Variants in NES observed in about 807,000 individuals in gnomAD.
The protein encoded by NES is nestin.
A neutral mutation model predicts 35.6 loss-of-function variants in NES; 27 were observed. That is an observed-to-expected ratio of 0.76 (90% CI 0.56 to 1.04). The LOEUF is 1.04. Among genes scored for constraint, NES ranks in the 50% least tolerant of loss-of-function variants. NES has a pLI of 0.00. For synonymous variants in NES, 822 were observed against 824.2 expected, an observed-to-expected ratio of 1.00 and a Z score of 0.04; for missense variants, 1,867 against 1,983.6, an observed-to-expected ratio of 0.94 and a Z score of 1.12.
At position 156,676,789 on chromosome 1, in the gene NES, G is replaced by A. The variant is rs1211280060; in HGVS notation, c.476C>T (p.Pro159Leu). The change falls in exon 1 of 4, where the codon CCC becomes CTC. Residue 159 changes from proline (P) to leucine (L), a missense_variant. Pro to Leu is a moderately conservative substitution (Grantham distance 98). Transcript: ENST00000368223. This position sits in a 1 kb window ranked among gnomAD's most constrained non-coding sequence, Gnocchi z 5.3. ...CCCGCGGGGCGGCGCGGGGCAGCGG[G>A]GGGCACAGGCAGCCTGCGCGTTCAG... is the stretch of plus-strand genomic sequence containing the variant. ...VGLNAQAACA[P>L]RCPAPPRGPP... The A allele has an allele frequency of 1.4e-6, 2 of 1,393,476 alleles. No individual in the cohort carries two copies. Among genetic ancestry groups the A allele is most frequent in the Non-Finnish European group, 1.8e-6 (2 of 1,085,548 alleles). 86.3% of individuals were successfully genotyped at this position (1,393,476 alleles called of 1,614,324 possible). A position where few individuals can be genotyped will look rare whatever the true frequency, so the allele number is the denominator to read the frequency against.
At position 156,671,105 on chromosome 1, in the gene NES, C is replaced by T. The variant is rs1679718906; in HGVS notation, c.3083G>A (p.Gly1028Glu). 1.2e-6 allele frequency: 2 copies of T among 1,614,116 alleles called. No homozygotes were observed. Among genetic ancestry groups the T allele is most frequent in the Non-Finnish European group, 1.7e-6 (2 of 1,180,004 alleles). ...CTCAGCCCCTCCCTTCACACTGGCTCCCTCAACCAGGCCTCTCTGCTCTTT... is the reference window on the plus strand; with the variant it reads ...CTCAGCCCCTCCCTTCACACTGGCTTCCTCAACCAGGCCTCTCTGCTCTTT... The part of the protein sequence containing the change: ...EPKEQRGLVE[G>E]ASVKGGAEGL... The change falls in exon 4 of 4, where the codon GGA becomes GAA. Residue 1028 changes from glycine to glutamate, a missense_variant. Transcript: ENST00000368223.
In NES at chr1:156,670,255, G is replaced by T. The variant is rs150673038; in HGVS notation, c.3933C>A (p.Pro1311=). 3 of 1,611,754 alleles carry T rather than the reference G, an allele frequency of 1.9e-6. No individual in the cohort carries two copies. The highest frequency in any genetic ancestry group is 3.3e-5 in the Admixed American group (2 of 59,732). The change falls in exon 4 of 4, where the codon CCC becomes CCA. Residue 1311 remains proline (P), a synonymous_variant. Coordinates refer to ENST00000368223, the MANE Select transcript of NES (RefSeq NM_006617.2). ...TCTGCTCTCCAGTGGGGTCCCACCT[G>T]GGGGAGGTGGGGGACCTGAGGTAGA... The part of the protein sequence containing the change: ...LGFYLRSPTS[P]RWDPTGEQRP...
At position 156,677,152 on chromosome 1, in the gene NES, G is replaced by A. The variant is rs957119809; in HGVS notation, c.113C>T (p.Ala38Val). 2.5e-6 allele frequency: 4 copies of A among 1,611,250 alleles called. No homozygotes were observed. Among genetic ancestry groups the A allele is most frequent in the Middle Eastern group, 3.3e-4 (2 of 6,054 alleles). Reference sequence around the variant, plus strand: ...TTGTGCCCGGAGCCCCCCGAGCTCCGCGCTGAGCAGCTCATTCTGCTCCTC... The same window carrying A: ...TTGTGCCCGGAGCCCCCCGAGCTCCACGCTGAGCAGCTCATTCTGCTCCTC... ...ALEEQNELLS[A>V]ELGGLRAQSA... Residue 38 changes from alanine to valine, a missense_variant, in exon 1 of 4, where the codon GCG (alanine) becomes GTG (valine). Transcript: ENST00000368223. The surrounding 1 kb of genome is among the most constrained non-coding windows in gnomAD (Gnocchi z 4.5).
At position 156,676,411 on chromosome 1, in the gene NES, C is replaced by A. The variant is rs1459683665; in HGVS notation, c.783+71G>T. 5 of 1,516,314 alleles carry A rather than the reference C, an allele frequency of 3.3e-6. No individual in the cohort carries two copies. In the South Asian group the frequency reaches 3.5e-5, roughly 11 times the overall value. The allele number at this position is 1,516,314 out of a possible 1,614,324, so 93.9% of individuals were successfully genotyped here. A position where few individuals can be genotyped will look rare whatever the true frequency, so the allele number is the denominator to read the frequency against. On this transcript the variant is annotated intron_variant, in intron 1 of 3. Coordinates refer to ENST00000368223, the MANE Select transcript of NES (RefSeq NM_006617.2). The surrounding 1 kb of genome is among the most constrained non-coding windows in gnomAD (Gnocchi z 5.3). ...TAGCCCCACTCCCTTCCCAGAAGGT[C>A]TCTGAGCTTCATAAGGGACTTTCTG...
rs777393026 is a variant in NES at position 156,670,252 on chromosome 1, C to T, written c.3936G>A (p.Arg1312=). The T allele has an allele frequency of 1.2e-6, 2 of 1,612,374 alleles. No individual in the cohort carries two copies. The highest frequency in any genetic ancestry group is 1.1e-5 in the South Asian group (1 of 90,952). Residue 1312 remains arginine (R), a synonymous_variant, in exon 4 of 4, where the codon AGG becomes AGA. Transcript: ENST00000368223. ...GCCTCTGCTCTCCAGTGGGGTCCCA[C>T]CTGGGGGAGGTGGGGGACCTGAGGT... is the stretch of plus-strand genomic sequence containing the variant. The part of the protein sequence containing the change: ...GFYLRSPTSP[R]WDPTGEQRPP...
chr1:156,671,719 T>C lies in NES; in HGVS notation c.2469A>G (p.Thr823=), dbSNP rs769017144. Residue 823 remains threonine (T), a synonymous_variant, in exon 4 of 4, where the codon ACA becomes ACG. Coordinates refer to ENST00000368223, the MANE Select transcript of NES (RefSeq NM_006617.2). ...CAGACTTCAGTGATTCTAGGATCTC[T>C]GTTTCTAAAGATTTTACTGCCTCTA... ...ESVEAVKSLE[T]EILESLKSAG... The C allele has an allele frequency of 6.2e-7, 1 of 1,613,926 alleles. No individual in the cohort carries two copies. The highest frequency in any genetic ancestry group is 8.5e-7 in the Non-Finnish European group (1 of 1,179,992).
In NES at chr1:156,673,438, T is replaced by C; in HGVS notation, c.982+16A>G. The C allele has an allele frequency of 1.9e-6, 3 of 1,608,068 alleles. No homozygotes were observed. Among genetic ancestry groups the C allele is most frequent in the South Asian group, 1.1e-5 (1 of 90,714 alleles). The stretch of plus-strand genomic sequence containing the variant: ...AAGCAGGGTAGTTTCTGGGGGAACT[T>C]GGCCCCTCCTCTTACCCTGAAAGCT... On this transcript the variant is annotated intron_variant, in intron 3 of 3. Transcript: ENST00000368223.
rs376979683 is a variant in NES, at chr1:156,676,508, G to T, written c.757C>A (p.Arg253=). The T allele has an allele frequency of 1.3e-6, 2 of 1,597,102 alleles. No homozygotes were observed. The change falls in exon 1 of 4, where the codon CGG becomes AGG. Residue 253 remains arginine (R), a synonymous_variant. Coordinates refer to ENST00000368223, the MANE Select transcript of NES (RefSeq NM_006617.2). This position sits in a 1 kb window ranked among gnomAD's most constrained non-coding sequence, Gnocchi z 5.3. ...TGGAACTTTTCAGTAGCCCGCAGCC[G>T]CTCCTGCCAGCGGCCCTCCAACCTC... ...EQRLEGRWQE[R]LRATEKFQLA... is the part of the protein sequence containing the mutation.
At position 156,671,925 on chromosome 1, in the gene NES, A is replaced by G; in HGVS notation, c.2263T>C (p.Leu755=). The G allele has an allele frequency of 6.2e-7, 1 of 1,614,082 alleles. No homozygotes were observed. The highest frequency in any genetic ancestry group is 8.5e-7 in the Non-Finnish European group (1 of 1,180,022). ...RSLEEQDQET[L]RTLEKETQQR... ...TGAGTCTCTTTTTCAAGAGTTCTCA[A>G]TGTCTCTTGGTCCTGTTCTTCTAAA... The change falls in exon 4 of 4, where the codon TTG becomes CTG. Residue 755 remains leucine, a synonymous_variant. Coordinates refer to ENST00000368223, the MANE Select transcript of NES (RefSeq NM_006617.2).
chr1:156,671,132 G>C lies in NES; in HGVS notation c.3056C>G (p.Pro1019Arg), dbSNP rs1000138137. Residue 1019 changes from proline to arginine, a missense_variant, in exon 4 of 4, where the codon CCC becomes CGC. Transcript: ENST00000368223. ...PGEGHPESPE[P>R]KEQRGLVEGA... Reference sequence around the variant, plus strand: ...CTCAACCAGGCCTCTCTGCTCTTTGGGCTCAGGGCTCTCTGGGTGCCCCTC... The same window carrying C: ...CTCAACCAGGCCTCTCTGCTCTTTGCGCTCAGGGCTCTCTGGGTGCCCCTC... 6.2e-6 allele frequency: 10 copies of C among 1,613,912 alleles called. No homozygotes were observed. The highest frequency in any genetic ancestry group is 7.6e-6 in the Non-Finnish European group (9 of 1,180,010).
Position 156,670,172 on chromosome 1 carries a change from G to A in NES, c.4016C>T (p.Ser1339Phe). The A allele has an allele frequency of 6.2e-7, 1 of 1,614,010 alleles. No individual in the cohort carries two copies. Among genetic ancestry groups the A allele is most frequent in the Non-Finnish European group, 8.5e-7 (1 of 1,179,998 alleles). ...KEGWDPAVLA[S>F]EGLEAPPSEK... ...TGAGGGTGGGGCCTCAAGGCCCTCG[G>A]AAGCCAGGACAGCAGGATCCCAGCC... The change falls in exon 4 of 4, where the codon TCC becomes TTC. Residue 1339 changes from serine to phenylalanine, a missense_variant. Transcript: ENST00000368223.
Position 156,671,259 on chromosome 1 carries a change from C to A in NES, c.2929G>T (p.Glu977Ter). The A allele has an allele frequency of 6.2e-7, 1 of 1,614,136 alleles. No homozygotes were observed. Among genetic ancestry groups the A allele is most frequent in the Non-Finnish European group, 8.5e-7 (1 of 1,180,018 alleles). ...TGCTCCCTCAGATTCAGCTCTGCCT[C>A]ATCCTCATTTTCCACTCCAGCCATC... is the stretch of plus-strand genomic sequence containing the variant. ...PGMAGVENED[E>*]AELNLREQDG... The change falls in exon 4 of 4, where the codon GAG (glutamate) becomes TAG (stop). Residue 977 changes from glutamate to a stop codon, truncating the protein, a stop_gained. Coordinates refer to ENST00000368223, the MANE Select transcript of NES (RefSeq NM_006617.2). LOFTEE classifies it low-confidence loss of function (END_TRUNC).
rs143263819 is a variant in NES, at chr1:156,670,640, G to T, written c.3548C>A (p.Ala1183Glu). Residue 1183 changes from alanine (A) to glutamate (E), a missense_variant, in exon 4 of 4, where the codon GCA becomes GAA. Transcript: ENST00000368223. The part of the protein sequence containing the change: ...EESEAEAPRG[A>E]EEAFPAETLG... ...GGTCTCAGCAGGGAACGCCTCCTCT[G>T]CTCCCCTGGGGGCCTCAGCCTCTGA... is the stretch of plus-strand genomic sequence containing the variant. 4.3e-6 allele frequency: 7 copies of T among 1,613,724 alleles called. No homozygotes were observed. Among genetic ancestry groups the T allele is most frequent in the East Asian group, 2.2e-5 (1 of 44,868 alleles).
At chr1:156,674,428 C>A (rs959147660) in intron 2 of NES, among the ~76,000 whole-genome samples, 1 of 152,134 alleles carries the variant, frequency 6.6e-6, no homozygotes, top group Admixed American at 6.5e-5. Flanking sequence ...CCTCCACGTC[C>A]TCCCCAGAGC....
chr1:156,670,982 T>C lies in NES; in HGVS notation c.3206A>G (p.Asp1069Gly). The change falls in exon 4 of 4, where the codon GAT becomes GGT. Residue 1069 changes from aspartate to glycine, a missense_variant. Transcript: ENST00000368223. ...LPEAIEPLVEDDVAPGGDQAS... is the reference protein window; with the variant it reads ...LPEAIEPLVEGDVAPGGDQAS... ...TTGGTCACCCCCTGGGGCCACATCATCTTCCACCAGGGGCTCTATCGCCTC... is the reference window on the plus strand; with the variant it reads ...TTGGTCACCCCCTGGGGCCACATCACCTTCCACCAGGGGCTCTATCGCCTC... 1.2e-6 allele frequency: 2 copies of C among 1,609,720 alleles called. No individual in the cohort carries two copies. The highest frequency in any genetic ancestry group is 1.3e-5 in the African/African-American group (1 of 74,650).
At position 156,669,737 on chromosome 1, in the gene NES, G is replaced by A; in HGVS notation, c.4451C>T (p.Ala1484Val). ...ACTGTCCTGGGACTCCGTTTCCAGGGCAGTCTTGGGGGCACCAGCCACTGC... is the reference window on the plus strand; with the variant it reads ...ACTGTCCTGGGACTCCGTTTCCAGGACAGTCTTGGGGGCACCAGCCACTGC... ...RGAVAGAPKTALETESQDSAE... is the reference protein window; with the variant it reads ...RGAVAGAPKTVLETESQDSAE... Residue 1484 changes from alanine (A) to valine (V), a missense_variant, in exon 4 of 4, where the codon GCC becomes GTC. Transcript: ENST00000368223. The A allele has an allele frequency of 6.2e-7, 1 of 1,613,962 alleles. No individual in the cohort carries two copies. Among genetic ancestry groups the A allele is most frequent in the East Asian group, 2.2e-5 (1 of 44,866 alleles).
chr1:156,676,958 C>G lies in NES; in HGVS notation c.307G>C (p.Glu103Gln). Residue 103 changes from glutamate (E) to glutamine (Q), a missense_variant, in exon 1 of 4, where the codon GAG (glutamate) becomes CAG (glutamine). Transcript: ENST00000368223. This position sits in a 1 kb window ranked among gnomAD's most constrained non-coding sequence, Gnocchi z 5.3. ...CGGGCTACCTCCTCCGTCGTCCGCT[C>G]CCGGGCCAGCCGCAGCTGCTGGCAT... ...GRCQQLRLAR[E>Q]RTTEEVARNR... 1 of 1,559,770 alleles carries G rather than the reference C, an allele frequency of 6.4e-7. No homozygotes were observed. The highest frequency in any genetic ancestry group is 8.6e-7 in the Non-Finnish European group (1 of 1,160,816).
chr1:156,677,403 CGACTGAGA>C, exon 1 of NES: 1 of 694,876 alleles, frequency 1.4e-6, no homozygotes, highest in East Asian at 2.9e-5. The surrounding 1 kb of genome is among the most constrained non-coding windows in gnomAD (Gnocchi z 4.5). Flanking sequence ...GTAGCCTGAG[CGACTGAGA>C]GTCGGGAGTG....
chr1:156,672,399 A>T lies in NES; in HGVS notation c.1789T>A (p.Leu597Ile). The T allele has an allele frequency of 6.2e-7, 1 of 1,612,792 alleles. No individual in the cohort carries two copies. The highest frequency in any genetic ancestry group is 1.7e-5 in the Admixed American group (1 of 59,786). Residue 597 changes from leucine (L) to isoleucine (I), a missense_variant, in exon 4 of 4, where the codon TTA becomes ATA. Transcript: ENST00000368223. ...KSLEKENKEL[L>I]KDVEVVRPLE... is the part of the protein sequence containing the mutation. ...GGTCTCACTACCTCCACATCCTTTA[A>T]TAGCTCTTTATTTTCCTTTTCTAGA... is the stretch of plus-strand genomic sequence containing the variant.
Sources: allele counts gnomAD v4.1 joint callset (sites outside exome capture counted in the v4.1 genomes callset), GRCh38; gene constraint gnomAD v4.1.1; non-coding constraint Gnocchi (gnomAD v3.1); transcripts MANE v1.5; gene names NCBI Gene and HGNC (gene_info 2026-07-23, HGNC 2026-07-21).